Variants in CFI observed in about 807,000 individuals in gnomAD.
CFI encodes the protein C3B/C4B inactivator.
CFI carries 66 observed loss-of-function variants against 78.8 expected under a neutral mutation model. The ratio of observed to expected loss-of-function variants is 0.84; its 90% CI spans 0.69 to 1.03. The LOEUF (loss-of-function observed/expected upper bound fraction) is 1.03, where lower values mean the gene tolerates loss of function less well. Ranked by LOEUF, CFI falls within the 50% of genes least tolerant of loss-of-function variation. The pLI, the probability that CFI is intolerant of heterozygous loss-of-function variation, is 0.00. For synonymous variants in CFI, 250 were observed against 232.6 expected (o/e 1.07, Z -0.68); for missense variants, 706 against 704.5 (o/e 1.00, Z -0.02).
Position 109,749,138 on chromosome 4 carries a change from T to A in CFI, c.1148+80A>T, listed in dbSNP as rs1579173512. On this transcript the variant is annotated intron_variant, in intron 10 of 12. Transcript: ENST00000394634. ...AGTTTGTCAGTACCTTTTTCAGATA[T>A]GCTTTATCATCTGCCACAATCTCTA... 3 of 1,229,042 alleles carry A rather than the reference T, an allele frequency of 2.4e-6. No individual in the cohort carries two copies. The Admixed American group carries it at 5.0e-5, about 21-fold the overall frequency. The allele number at this position is 1,229,042 out of a possible 1,614,324, so 76.1% of individuals were successfully genotyped here.
intron 1 of CFI, among the ~76,000 whole-genome samples, chr4:109,786,417 T>G (rs975159100): frequency 2.0e-5 from 3 of 152,064 alleles, no homozygotes; most frequent in African/African-American, 7.2e-5. Context: ...AGGAGACCAG[T>G]GAAACAATTT....
intron 1 of CFI, among the ~76,000 whole-genome samples, chr4:109,798,737 T>C (rs1335257362): frequency 1.3e-5 from 2 of 151,766 alleles, no homozygotes; most frequent in East Asian, 1.9e-4. Context: ...TTGCTTGGGG[T>C]TTGCTTTGGT....
intron 3 of CFI, among the ~76,000 whole-genome samples, chr4:109,763,900 T>A (rs1403800358): frequency 6.6e-6 from 1 of 150,750 alleles, no homozygotes; most frequent in Non-Finnish European, 1.5e-5. Flanking sequence ...AAATTACATA[T>A]GGGGCAAAGA....
At chr4:109,779,976 A>T (rs184693878) in intron 1 of CFI, among the ~76,000 whole-genome samples, 1 of 149,476 alleles carries the variant, frequency 6.7e-6, no homozygotes, top group East Asian at 2.5e-4. Context: ...GTATATTTAC[A>T]CCTTATAAAA....
chr4:109,773,806 T>A (rs529615987), intron 1 of CFI, among the ~76,000 whole-genome samples: 1 of 152,340 alleles, frequency 6.6e-6, no homozygotes, highest in South Asian at 2.1e-4. Context: ...CAAAACCACC[T>A]GAGGCGCATC....
Position 109,797,994 on chromosome 4 carries a change from T to C in CFI, c.57+3921A>G, listed in dbSNP as rs1030963917. 2.0e-5 allele frequency among the ~76,000 whole-genome samples: 3 copies of C among 152,270 alleles called. No individual in the cohort carries two copies. The East Asian group carries it at 5.8e-4, about 29-fold the overall frequency. On this transcript the variant is annotated intron_variant, in intron 1 of 12. Transcript: ENST00000394634. The stretch of plus-strand genomic sequence containing the variant: ...GGTATATACATGCAATGAAATATTA[T>C]TTGGCCTTAAAAAAGAAGGAAATCC...
intron 7 of CFI, among the ~76,000 whole-genome samples, chr4:109,756,344 A>T (rs1348063262): frequency 6.6e-6 from 1 of 150,830 alleles, no homozygotes; most frequent in African/African-American, 2.4e-5. Context: ...AAAAAGGAAT[A>T]GAGAAGAAGC....
Position 109,746,338 on chromosome 4 carries a change from T to G in CFI, c.1313A>C (p.Asp438Ala). 6.2e-7 allele frequency: 1 copy of G among 1,614,236 alleles called. No homozygotes were observed. The highest frequency in any genetic ancestry group is 8.5e-7 in the Non-Finnish European group (1 of 1,180,044). The change falls in exon 11 of 13, where the codon GAC (aspartate) becomes GCC (alanine). Residue 438 changes from aspartate (D) to alanine (A), a missense_variant. Coordinates refer to ENST00000394634, the MANE Select transcript of CFI (RefSeq NM_000204.5). The part of the protein sequence containing the change: ...NDIALIEMKK[D>A]GNKKDCELPR... The stretch of plus-strand genomic sequence containing the variant: ...CAGCTCACAATCTTTTTTGTTTCCG[T>G]CTTTTTTCATTTCAATCAAAGCGAT...
At chr4:109,746,833 C>G (rs1724533043) in intron 10 of CFI, among the ~76,000 whole-genome samples, 1 of 152,166 alleles carries the variant, frequency 6.6e-6, no homozygotes. Context: ...AGAGACCAGA[C>G]AGCATCTTGC....
At chr4:109,734,638 C>A in the CFI span, among the ~76,000 whole-genome samples, 1 of 152,054 alleles carries the variant, frequency 6.6e-6, no homozygotes, top group Non-Finnish European at 1.5e-5. Context: ...CCTGTCTCTA[C>A]TAAAAATACA....
intron 1 of CFI, among the ~76,000 whole-genome samples, chr4:109,782,471 A>G (rs1276451616): frequency 6.6e-6 from 1 of 151,760 alleles, no homozygotes; most frequent in East Asian, 1.9e-4. Context: ...CTAACCAAGG[A>G]GTTGAAAAAC....
intron 4 of CFI, among the ~76,000 whole-genome samples, chr4:109,761,080 C>T (rs950629168): frequency 4.6e-5 from 7 of 152,136 alleles, no homozygotes; most frequent in Non-Finnish European, 1.0e-4. Context: ...ACATGTATGA[C>T]TAAAATATTC....
chr4:109,749,663 C>G, intron 8 of CFI, 61 bp from the exon 9 acceptor site: 1 of 1,027,736 alleles, frequency 9.7e-7, no homozygotes, highest in Middle Eastern at 2.2e-4. Context: ...TTTTAACACA[C>G]TTCTTGATTA....
At chr4:109,771,176 G>T (rs534335583) in intron 1 of CFI, among the ~76,000 whole-genome samples, 1 of 151,928 alleles carries the variant, frequency 6.6e-6, no homozygotes, top group Non-Finnish European at 1.5e-5. Context: ...CGGATCATGA[G>T]GTCAGGAGTT....
At chr4:109,754,933 G>T (rs1465783427) in intron 7 of CFI, among the ~76,000 whole-genome samples, 1 of 152,158 alleles carries the variant, frequency 6.6e-6, no homozygotes, top group Non-Finnish European at 1.5e-5. Flanking sequence ...GTACACCTTT[G>T]ATTATATAAA....
chr4:109,741,287 A>G (rs938828867), intron 12 of CFI, 177 bp from the exon 13 acceptor site: 1 of 985,334 alleles, frequency 1.0e-6, no homozygotes, highest in African/African-American at 1.7e-5. Flanking sequence ...GCAGCTTGGA[A>G]AATTCTTTAC....
intron 4 of CFI, 70 bp from the exon 5 acceptor site, chr4:109,760,706 T>G: frequency 1.1e-6 from 1 of 898,426 alleles, no homozygotes; most frequent in Non-Finnish European, 1.9e-6. Context: ...ATCAGATTTT[T>G]GGGATAATGG....
chr4:109,766,223 G>T (rs1727732997), intron 2 of CFI, among the ~76,000 whole-genome samples: 1 of 152,102 alleles, frequency 6.6e-6, no homozygotes, highest in Admixed American at 6.6e-5. Context: ...CTTTTCACTG[G>T]GTTCTGAACC....
At chr4:109,753,891 ATAATGTATAATTTTATATTATATATTATC>A (rs1561294706) in intron 7 of CFI, among the ~76,000 whole-genome samples, 138 of 7,628 alleles carry the variant, frequency 0.018, no homozygotes, top group Middle Eastern at 0.038. Context: ...TATATATTAT[ATAATGTATAATTTTATATTATATATTATC>A]TAATGTATAA....
Sources: gnomAD v4.1 joint callset for allele counts (sites outside exome capture counted in the v4.1 genomes callset) on GRCh38, gnomAD v4.1.1 for gene constraint, MANE v1.5 for transcripts, NCBI Gene and HGNC (gene_info 2026-07-23, HGNC 2026-07-21) for gene names.